MATN2: variants seen among roughly 807,000 people sequenced by gnomAD.
MATN2 encodes matrilin-2.
Under a neutral mutation model 103.2 loss-of-function variants are expected in MATN2, and 69 were observed. The observed-to-expected ratio is 0.67, with a 90% confidence interval of 0.55 to 0.82. The LOEUF is 0.82. Among genes scored for constraint, MATN2 ranks in the 40% least tolerant of loss-of-function variants. The pLI, the probability that MATN2 is intolerant of heterozygous loss-of-function variation, is 0.00. For synonymous variants in MATN2, 429 were observed against 450.2 expected, an observed-to-expected ratio of 0.95 and a Z score of 0.60; for missense variants, 1,023 against 1,211.5, an observed-to-expected ratio of 0.84 and a Z score of 2.31.
At chr8:98,001,395 C>A (rs1563718445) in intron 7 of MATN2, among the ~76,000 whole-genome samples, 2 of 151,862 alleles carry the variant, frequency 1.3e-5, no homozygotes, top group Admixed American at 1.3e-4. Flanking sequence ...CATATCCTTA[C>A]ACTACAAGAC....
chr8:98,021,721 GAATT>G (rs1327673242), intron 13 of MATN2, among the ~76,000 whole-genome samples: 14 of 150,830 alleles, frequency 9.3e-5, no homozygotes, highest in African/African-American at 3.2e-4. Context: ...AGTCTTGAGA[GAATT>G]ATTTTTTAAT....
chr8:97,959,147 A>G (rs1240420538), intron 4 of MATN2, among the ~76,000 whole-genome samples: 1 of 152,140 alleles, frequency 6.6e-6, no homozygotes, highest in African/African-American at 2.4e-5. Flanking sequence ...GGTGGCATCT[A>G]ACAACCACTC....
intron 16 of MATN2, 73 bp downstream of exon 16, chr8:98,032,390 T>TAAAG: frequency 8.7e-7 from 1 of 1,143,900 alleles, no homozygotes; most frequent in Non-Finnish European, 1.3e-6. Flanking sequence ...ATAAAAGCTG[T>TAAAG]AAAGAAGTGA....
In MATN2 at chr8:98,035,877, C is replaced by T. The variant is rs1814230475; in HGVS notation, c.*165C>T. ...ACAGAACAAAGACAAGAAGTATACA[C>T]TAACTTGTATAAATTTATCTAGGAA... On this transcript the variant is annotated 3_prime_UTR_variant, in exon 19 of 19. Coordinates refer to ENST00000254898, the MANE Select transcript of MATN2 (RefSeq NM_002380.5). 2.3e-6 allele frequency: 1 copy of T among 425,802 alleles called. No homozygotes were observed. Among genetic ancestry groups the T allele is most frequent in the Non-Finnish European group, 4.2e-6 (1 of 235,528 alleles). 26.4% of individuals were successfully genotyped at this position (425,802 alleles called of 1,614,324 possible).
At chr8:97,880,325 T>G (rs1818212847) in intron 1 of MATN2, among the ~76,000 whole-genome samples, 1 of 152,000 alleles carries the variant, frequency 6.6e-6, no homozygotes, top group African/African-American at 2.4e-5. Context: ...AGAAGCTCAG[T>G]TGTATATAAG....
intron 5 of MATN2, among the ~76,000 whole-genome samples, chr8:97,977,074 A>G (rs1811858854): frequency 6.6e-6 from 1 of 151,784 alleles, no homozygotes; most frequent in Non-Finnish European, 1.5e-5. Context: ...CGTTCCTACT[A>G]AAAATATAAA....
chr8:98,007,328 G>A lies in MATN2; in HGVS notation c.1450+101G>A. The A allele has an allele frequency of 1.3e-6, 2 of 1,572,386 alleles. No homozygotes were observed. The highest frequency in any genetic ancestry group is 1.7e-6 in the Non-Finnish European group (2 of 1,150,872). ...GGTTGTACTTGGGCACCCCTCCCCTGCCCCTTGCTCTGCTCCAGGAGATAG... is the reference window on the plus strand; with the variant it reads ...GGTTGTACTTGGGCACCCCTCCCCTACCCCTTGCTCTGCTCCAGGAGATAG... On this transcript the variant is annotated intron_variant, in intron 9 of 18. Coordinates refer to ENST00000254898, the MANE Select transcript of MATN2 (RefSeq NM_002380.5). The surrounding 1 kb of genome is among the most constrained non-coding windows in gnomAD (Gnocchi z 4.2).
intron 2 of MATN2, among the ~76,000 whole-genome samples, chr8:97,917,462 C>T (rs1022203898): frequency 4.6e-5 from 7 of 152,176 alleles, no homozygotes; most frequent in Non-Finnish European, 8.8e-5. Flanking sequence ...GAGAAGCACA[C>T]GGTGCCTGGC....
intron 2 of MATN2, among the ~76,000 whole-genome samples, chr8:97,894,398 T>C (rs980386086): frequency 1.5e-4 from 20 of 135,928 alleles, no homozygotes; most frequent in Non-Finnish European, 2.6e-4. Context: ...GGCACTATCA[T>C]AGCTCACTGC....
Position 98,033,552 on chromosome 8 carries a change from C to T in MATN2, c.2717-9C>T. 3 of 1,532,042 alleles carry T rather than the reference C, an allele frequency of 2.0e-6. No individual in the cohort carries two copies. The highest frequency in any genetic ancestry group is 2.7e-6 in the Non-Finnish European group (3 of 1,123,364). The allele number at this position is 1,532,042 out of a possible 1,614,324, so 94.9% of individuals were successfully genotyped here. A position where few individuals can be genotyped will look rare whatever the true frequency, so the allele number is the denominator to read the frequency against. On this transcript the variant is annotated splice_polypyrimidine_tract_variant and intron_variant, in intron 17 of 18. Transcript: ENST00000254898. ...TCTAGAGGTGAACACTTTCCATCTG[C>T]TTTCTCAGGAAGCCCTTTGGAAGAA...
At chr8:97,999,658 T>C (rs1354709485) in intron 7 of MATN2, among the ~76,000 whole-genome samples, 3 of 152,172 alleles carry the variant, frequency 2.0e-5, no homozygotes, top group Non-Finnish European at 2.9e-5. Flanking sequence ...CAGCTAACAA[T>C]ATCCTGCCTC....
At chr8:97,967,186 C>T (rs906304440) in intron 5 of MATN2, among the ~76,000 whole-genome samples, 2 of 152,144 alleles carry the variant, frequency 1.3e-5, no homozygotes, top group African/African-American at 2.4e-5. Flanking sequence ...CCAATACCTC[C>T]CACTAAGCCC....
chr8:97,980,811 CA>C (rs1386601746), intron 6 of MATN2, among the ~76,000 whole-genome samples: 1 of 151,994 alleles, frequency 6.6e-6, no homozygotes, highest in Non-Finnish European at 1.5e-5. Flanking sequence ...TCAAGTGATC[CA>C]CCCACCTCAG....
chr8:98,001,284 C>G (rs1327732282), intron 7 of MATN2, among the ~76,000 whole-genome samples: 3 of 152,086 alleles, frequency 2.0e-5, no homozygotes, highest in African/African-American at 7.2e-5. Flanking sequence ...TATCAAGAAC[C>G]CAGACTCTTT....
intron 13 of MATN2, among the ~76,000 whole-genome samples, chr8:98,024,311 C>T (rs1250437297): frequency 2.6e-5 from 4 of 152,158 alleles, no homozygotes; most frequent in Non-Finnish European, 5.9e-5. Flanking sequence ...TCAAGACCAG[C>T]CTGGCCAACA....
chr8:97,986,864 G>A (rs186393666), intron 6 of MATN2, among the ~76,000 whole-genome samples: 286 of 152,100 alleles, frequency 1.9e-3, no homozygotes, highest in African/African-American at 6.3e-3. Context: ...ACGGAGTCTC[G>A]CTCTGTGGCC....
At chr8:97,921,696 T>G (rs1396558475) in intron 2 of MATN2, among the ~76,000 whole-genome samples, 1 of 152,222 alleles carries the variant, frequency 6.6e-6, no homozygotes, top group Non-Finnish European at 1.5e-5. Context: ...AGGGGCCGCA[T>G]CTCAGGTGTC....
At chr8:98,003,863 T>C in intron 8 of MATN2, 80 bp downstream of exon 8, 1 of 1,562,136 alleles carries the variant, frequency 6.4e-7, no homozygotes, top group Non-Finnish European at 8.8e-7. Context: ...AGCAACCAGT[T>C]ATTTCTGGAG....
At chr8:97,929,328 G>A (rs747350056) in intron 2 of MATN2, among the ~76,000 whole-genome samples, 1 of 152,182 alleles carries the variant, frequency 6.6e-6, no homozygotes, top group Non-Finnish European at 1.5e-5. Context: ...TCTTGCAGCT[G>A]TGGTGATTAG....
Sources: gnomAD v4.1 joint callset for allele counts (sites outside exome capture counted in the v4.1 genomes callset) on GRCh38, gnomAD v4.1.1 for gene constraint, Gnocchi (gnomAD v3.1) non-coding constraint, MANE v1.5 for transcripts, NCBI Gene and HGNC (gene_info 2026-07-23, HGNC 2026-07-21) for gene names.